HAUS2: variants seen among roughly 807,000 people sequenced by gnomAD.
The protein encoded by HAUS2 is HAUS augmin-like complex subunit 2.
In HAUS2, 20 loss-of-function variants were observed where a neutral mutation model predicts 21.6. The observed-to-expected ratio is 0.93, with a 90% CI of 0.65 to 1.35. The LOEUF (loss-of-function observed/expected upper bound fraction) is 1.35. Ranked by LOEUF, HAUS2 falls within the 40% of genes most tolerant of loss-of-function variation. The pLI is 0.00. For missense variants in HAUS2, 297 were observed against 280.7 expected, an observed-to-expected ratio of 1.06 and a Z score of -0.42; for synonymous variants, 113 against 95.6, an observed-to-expected ratio of 1.18 and a Z score of -1.06.
chr15:42,558,168 C>T, intron 1 of HAUS2, 30 bp from the exon 2 acceptor site: 1 of 953,294 alleles, frequency 1.0e-6, no homozygotes. Context: ...TTGTGACATT[C>T]TGCTACTTTC....
At chr15:42,551,046 A>C (rs1467006565) in intron 1 of HAUS2, among the ~76,000 whole-genome samples, 5 of 141,936 alleles carry the variant, frequency 3.5e-5, no homozygotes, top group African/African-American at 5.2e-5. Context: ...CCCAGGCTGG[A>C]GTGCAGTGGT....
Position 42,567,014 on chromosome 15 carries a change from G to T in HAUS2, c.*198G>T. 1 of 410,776 alleles carries T rather than the reference G, an allele frequency of 2.4e-6. No homozygotes were observed. The allele number at this position is 410,776 out of a possible 1,614,324, so 25.4% of individuals were successfully genotyped here. A position where few individuals can be genotyped will look rare whatever the true frequency, so the allele number is the denominator to read the frequency against. ...TCATATATTTTTATTCTACCTTTCA[G>T]TAAAACTAGAGAAGCTAAAAAATAG... On this transcript the variant is annotated 3_prime_UTR_variant, in exon 6 of 6. Transcript: ENST00000260372.
chr15:42,555,798 GTAAA>G (rs2057766814), intron 1 of HAUS2, among the ~76,000 whole-genome samples: 2 of 152,118 alleles, frequency 1.3e-5, no homozygotes, highest in Non-Finnish European at 2.9e-5. Flanking sequence ...GAGCCAGAGA[GTAAA>G]TATGTAAGGC....
chr15:42,555,390 A>G (rs1251818805), intron 1 of HAUS2, among the ~76,000 whole-genome samples: 3 of 152,130 alleles, frequency 2.0e-5, no homozygotes, highest in Non-Finnish European at 4.4e-5. Flanking sequence ...TTAGCCTTCC[A>G]GAGTGCTGGG....
At position 42,548,958 on chromosome 15, in the gene HAUS2, T is replaced by C. The variant is rs1310336945; in HGVS notation, c.86T>C (p.Val29Ala). Residue 29 changes from valine (V) to alanine (A), a missense_variant, in exon 1 of 6, where the codon GTC becomes GCC. Val to Ala is a moderately conservative substitution (Grantham distance 64). Coordinates refer to ENST00000260372, the MANE Select transcript of HAUS2 (RefSeq NM_018097.3). ...GGCCACTTCATAGCTTCGGGGATGG[T>C]CAATCAGGTACGTGGGGGTGGCGGT... The part of the protein sequence containing the change: ...VLGHFIASGM[V>A]NQEMLNMSKK... 1.3e-6 allele frequency: 2 copies of C among 1,545,922 alleles called. No homozygotes were observed. Among genetic ancestry groups the C allele is most frequent in the Non-Finnish European group, 1.8e-6 (2 of 1,141,280 alleles).
At position 42,559,415 on chromosome 15, in the gene HAUS2, G is replaced by T. The variant is rs761103788; in HGVS notation, c.256+7G>T. 6.4e-7 allele frequency: 1 copy of T among 1,561,288 alleles called. No homozygotes were observed. The highest frequency in any genetic ancestry group is 1.1e-5 in the South Asian group (1 of 89,938). The stretch of plus-strand genomic sequence containing the variant: ...GTTCATCCTTTCTTTTTGGGTAAGT[G>T]GTTTGGTTAAGTGGATAATCACTGG... On this transcript the variant is annotated splice_region_variant and intron_variant, in intron 3 of 5. Coordinates refer to ENST00000260372, the MANE Select transcript of HAUS2 (RefSeq NM_018097.3).
At chr15:42,564,576 G>A (rs2057887309) in intron 5 of HAUS2, among the ~76,000 whole-genome samples, 1 of 152,182 alleles carries the variant, frequency 6.6e-6, no homozygotes, top group Non-Finnish European at 1.5e-5. Flanking sequence ...CATCTATTGA[G>A]CATAGAAAAG....
intron 4 of HAUS2, among the ~76,000 whole-genome samples, chr15:42,563,374 T>G (rs2057869823): frequency 6.9e-6 from 1 of 143,964 alleles, no homozygotes; most frequent in Admixed American, 7.3e-5. Context: ...ATTGCACCAC[T>G]GTGCTCCAGC....
At chr15:42,559,707 T>C (rs1037896400) in intron 3 of HAUS2, among the ~76,000 whole-genome samples, 2 of 152,124 alleles carry the variant, frequency 1.3e-5, no homozygotes, top group African/African-American at 4.8e-5. Context: ...CACTGTATGA[T>C]CATGGATCGA....
At chr15:42,554,430 TG>T (rs2057752339) in intron 1 of HAUS2, among the ~76,000 whole-genome samples, 1 of 152,086 alleles carries the variant, frequency 6.6e-6, no homozygotes, top group Non-Finnish European at 1.5e-5. Context: ...ATGTAAACTC[TG>T]TACTATTCCC....
At chr15:42,551,251 G>A (rs1279012011) in intron 1 of HAUS2, among the ~76,000 whole-genome samples, 1 of 151,546 alleles carries the variant, frequency 6.6e-6, no homozygotes, top group East Asian at 2.0e-4. Context: ...GCCTCCCAAA[G>A]TACTGGGAGC....
intron 1 of HAUS2, among the ~76,000 whole-genome samples, chr15:42,551,717 C>T (rs1444565508): frequency 1.3e-5 from 2 of 152,096 alleles, no homozygotes; most frequent in East Asian, 3.9e-4. Context: ...AATGCCTAAA[C>T]CAAAGGAGTA....
At chr15:42,558,739 C>T (rs2057816160) in intron 2 of HAUS2, among the ~76,000 whole-genome samples, 1 of 152,020 alleles carries the variant, frequency 6.6e-6, no homozygotes, top group African/African-American at 2.4e-5. Context: ...GGGAGGACTG[C>T]TTGAGCCCAG....
chr15:42,555,222 G>A (rs1174028182), intron 1 of HAUS2, among the ~76,000 whole-genome samples: 3 of 151,772 alleles, frequency 2.0e-5, no homozygotes, highest in Admixed American at 1.3e-4. Context: ...TCCTGACCTC[G>A]TGATCTGCCC....
Position 42,557,719 on chromosome 15 carries a change from G to C in HAUS2, c.94-479G>C, listed in dbSNP as rs551325736. The stretch of plus-strand genomic sequence containing the variant: ...GATACAAATAATCCTTTAACTAAAA[G>C]ATGAGAATGTGAACATACACAGTAT... On this transcript the variant is annotated intron_variant, in intron 1 of 5. Coordinates refer to ENST00000260372, the MANE Select transcript of HAUS2 (RefSeq NM_018097.3). Among the ~76,000 whole-genome samples, 8 of 151,874 alleles carry C rather than the reference G, an allele frequency of 5.3e-5. No individual in the cohort carries two copies. In the East Asian group the frequency reaches 1.5e-3, roughly 29 times the overall value.
In HAUS2 at chr15:42,569,073, G is replaced by A. The variant is rs1308710153; in HGVS notation, c.*2257G>A. The stretch of plus-strand genomic sequence containing the variant: ...GAAACAGCAAAGAAAAAGGCACACT[G>A]TGGTATAACTTTGGAGGTTTACCTT... On this transcript the variant is annotated 3_prime_UTR_variant, in exon 6 of 6. Coordinates refer to ENST00000260372, the MANE Select transcript of HAUS2 (RefSeq NM_018097.3). 1 of 152,144 alleles carries A rather than the reference G, an allele frequency of 6.6e-6. No homozygotes were observed. Among genetic ancestry groups the A allele is most frequent in the Admixed American group, 6.6e-5 (1 of 15,260 alleles). 9.4% of individuals were successfully genotyped at this position (152,144 alleles called of 1,614,324 possible). A position where few individuals can be genotyped will look rare whatever the true frequency, so the allele number is the denominator to read the frequency against.
chr15:42,551,541 C>T (rs888612656), intron 1 of HAUS2, among the ~76,000 whole-genome samples: 1 of 151,798 alleles, frequency 6.6e-6, no homozygotes, highest in Non-Finnish European at 1.5e-5. Flanking sequence ...CTCGGGAAGC[C>T]GAGACATGAG....
Position 42,568,463 on chromosome 15 carries a change from A to G in HAUS2, c.*1647A>G, listed in dbSNP as rs1193470902. 1 of 152,266 alleles carries G rather than the reference A, an allele frequency of 6.6e-6. No homozygotes were observed. The highest frequency in any genetic ancestry group is 2.4e-5 in the African/African-American group (1 of 41,458). The allele number at this position is 152,266 out of a possible 1,614,324, so 9.4% of individuals were successfully genotyped here. On this transcript the variant is annotated 3_prime_UTR_variant, in exon 6 of 6. Coordinates refer to ENST00000260372, the MANE Select transcript of HAUS2 (RefSeq NM_018097.3). ...AGCACTAATTCATTAATGAGGGCAA[A>G]GCCCTCCTTACCTAATTACTTTTTA...
intron 1 of HAUS2, among the ~76,000 whole-genome samples, chr15:42,549,898 G>C (rs2057704333): frequency 6.6e-6 from 1 of 151,808 alleles, no homozygotes. Context: ...GGCAGTTTTA[G>C]GTTGGGCAAG....
Sources: allele counts gnomAD v4.1 joint callset (sites outside exome capture counted in the v4.1 genomes callset), GRCh38; gene constraint gnomAD v4.1.1; transcripts MANE v1.5; gene names NCBI Gene and HGNC (gene_info 2026-07-23, HGNC 2026-07-21).